ADGRL4: variants seen among roughly 807,000 people sequenced by gnomAD.
ADGRL4 encodes the protein EGF, latrophilin and seven transmembrane domain containing 1.
ADGRL4 carries 90 observed loss-of-function variants against 74.8 expected under a neutral mutation model. The ratio of observed to expected loss-of-function variants is 1.20; its 90% CI spans 1.02 to 1.43. The LOEUF (loss-of-function observed/expected upper bound fraction) is 1.43, where lower values mean the gene tolerates loss of function less well. Among genes scored for constraint, ADGRL4 ranks in the 40% most tolerant of loss-of-function variants. ADGRL4 has a pLI of 0.00. For synonymous variants in ADGRL4, 311 were observed against 279.2 expected (o/e 1.11, Z -1.14); for missense variants, 881 against 814.3 (o/e 1.08, Z -1.00).
chr1:78,931,262 T>C (rs1171854773), intron 7 of ADGRL4, among the ~76,000 whole-genome samples: 3 of 151,262 alleles, frequency 2.0e-5, no homozygotes, highest in African/African-American at 4.9e-5. Context: ...TCAGAAGAGA[T>C]TGGGGGCCAA....
At chr1:78,899,940 A>G (rs753478581) in intron 12 of ADGRL4, among the ~76,000 whole-genome samples, 2 of 152,166 alleles carry the variant, frequency 1.3e-5, no homozygotes, top group Non-Finnish European at 2.9e-5. Context: ...GGGATATTAC[A>G]GATAGAATTA....
chr1:78,925,402 T>A (rs1649090773), intron 8 of ADGRL4, among the ~76,000 whole-genome samples: 1 of 152,068 alleles, frequency 6.6e-6, no homozygotes, highest in Admixed American at 6.6e-5. Context: ...ATAAGCACTA[T>A]GTAATTATTG....
intron 2 of ADGRL4, 115 bp from the exon 3 acceptor site, chr1:78,946,541 A>G (rs920418404): frequency 2.5e-6 from 2 of 813,522 alleles, no homozygotes; most frequent in African/African-American, 3.5e-5. Context: ...TGTGATGTTT[A>G]TATCTACAAA....
intron 2 of ADGRL4, among the ~76,000 whole-genome samples, chr1:78,948,374 T>C (rs1649653222): frequency 6.6e-6 from 1 of 152,132 alleles, no homozygotes; most frequent in South Asian, 2.1e-4. Context: ...TGGTGTCGTG[T>C]AGCTTGTGGT....
intron 2 of ADGRL4, among the ~76,000 whole-genome samples, chr1:78,987,198 G>A (rs1442554286): frequency 6.6e-6 from 1 of 151,690 alleles, no homozygotes; most frequent in African/African-American, 2.4e-5. Context: ...TAGCTACATA[G>A]TATATAAATG....
intron 7 of ADGRL4, among the ~76,000 whole-genome samples, chr1:78,931,301 T>G (rs113817778): frequency 0.091 from 13,741 of 151,346 alleles, 1,022 homozygotes; most frequent in East Asian, 0.33. Context: ...AAAAGAATTT[T>G]CAACCCAGAG....
At chr1:78,900,538 T>C (rs75129451) in intron 12 of ADGRL4, among the ~76,000 whole-genome samples, 26 of 152,212 alleles carry the variant, frequency 1.7e-4, no homozygotes, top group African/African-American at 6.3e-4. Flanking sequence ...TGCTGAATTG[T>C]TATCTTTAGT....
chr1:78,984,141 T>C (rs1423806610), intron 2 of ADGRL4, among the ~76,000 whole-genome samples: 1 of 151,698 alleles, frequency 6.6e-6, no homozygotes, highest in Non-Finnish European at 1.5e-5. Context: ...GCGAAGACAC[T>C]AGAACAGTTT....
At chr1:79,001,327 A>C (rs1467080432) in intron 2 of ADGRL4, among the ~76,000 whole-genome samples, 1 of 152,138 alleles carries the variant, frequency 6.6e-6, no homozygotes, top group Admixed American at 6.5e-5. Context: ...CAATACTTAA[A>C]AATAAAAGGA....
At chr1:78,922,565 C>A (rs1357584574) in intron 8 of ADGRL4, among the ~76,000 whole-genome samples, 2 of 151,888 alleles carry the variant, frequency 1.3e-5, no homozygotes, top group African/African-American at 4.8e-5. Context: ...TAACACTATA[C>A]CTAATGTATG....
At position 78,895,166 on chromosome 1, in the gene ADGRL4, A is replaced by G. The variant is rs115094037; in HGVS notation, c.1750-1977T>C. On this transcript the variant is annotated intron_variant, in intron 12 of 14. Coordinates refer to ENST00000370742, the MANE Select transcript of ADGRL4 (RefSeq NM_022159.4). ...TTTTTCCAAATTTAAGAGAAAACAG[A>G]TTAAAACATGTTTATCAAAAGGCGT... 1.6e-3 allele frequency among the ~76,000 whole-genome samples: 241 copies of G among 152,196 alleles called. 1 individual carries two copies. Among genetic ancestry groups the G allele is most frequent in the Middle Eastern group, 6.8e-3 (2 of 294 alleles).
intron 12 of ADGRL4, among the ~76,000 whole-genome samples, chr1:78,912,290 A>G (rs1251752030): frequency 6.6e-6 from 1 of 151,894 alleles, no homozygotes; most frequent in East Asian, 1.9e-4. Context: ...CTGTTGTGCC[A>G]AGGAGACCCC....
intron 2 of ADGRL4, among the ~76,000 whole-genome samples, chr1:78,957,814 T>C (rs139660491): frequency 1.7e-3 from 266 of 152,266 alleles, no homozygotes; most frequent in African/African-American, 6.0e-3. Context: ...CAGCCTTCTA[T>C]TGGAAGAAGA....
At chr1:78,927,177 A>G in intron 7 of ADGRL4, 86 bp from the exon 8 acceptor site, 1 of 874,084 alleles carries the variant, frequency 1.1e-6, no homozygotes, top group Non-Finnish European at 1.8e-6. Flanking sequence ...AATTGAATAG[A>G]CAAACATTTT....
intron 12 of ADGRL4, among the ~76,000 whole-genome samples, chr1:78,909,613 C>T (rs75055578): frequency 0.011 from 1,597 of 151,892 alleles, 13 homozygotes; most frequent in Middle Eastern, 0.027. Flanking sequence ...ATATTCCAAT[C>T]GAACCATTTA....
At chr1:78,900,461 G>A (rs1223406305) in intron 12 of ADGRL4, among the ~76,000 whole-genome samples, 2 of 152,126 alleles carry the variant, frequency 1.3e-5, no homozygotes, top group African/African-American at 2.4e-5. Context: ...CTAATATAGG[G>A]AGAAATACAC....
At chr1:78,972,872 G>A (rs1396239246) in intron 2 of ADGRL4, among the ~76,000 whole-genome samples, 2 of 152,138 alleles carry the variant, frequency 1.3e-5, no homozygotes, top group African/African-American at 2.4e-5. Context: ...ATCCCAGTCT[G>A]CACCAAAAGT....
At chr1:78,903,567 G>C (rs912919518) in intron 12 of ADGRL4, among the ~76,000 whole-genome samples, 32 of 152,088 alleles carry the variant, frequency 2.1e-4, no homozygotes. Context: ...CATATTTAAA[G>C]TTATGCATAT....
intron 2 of ADGRL4, among the ~76,000 whole-genome samples, chr1:78,983,512 A>G (rs1278186515): frequency 2.0e-5 from 3 of 151,798 alleles, no homozygotes; most frequent in African/African-American, 4.8e-5. Flanking sequence ...AAATATAGCT[A>G]TAGAAAAAAT....
Sources: allele counts gnomAD v4.1 joint callset (sites outside exome capture counted in the v4.1 genomes callset), GRCh38; gene constraint gnomAD v4.1.1; transcripts MANE v1.5; gene names NCBI Gene and HGNC (gene_info 2026-07-23, HGNC 2026-07-21).